The following GABRB3 variants were observed in gnomAD, a reference collection of about 807,000 sequenced individuals.
The protein encoded by GABRB3 is gamma-aminobutyric acid receptor subunit beta-3.
Under a neutral mutation model 52.1 loss-of-function variants are expected in GABRB3, and 14 were observed. The ratio of observed to expected loss-of-function variants is 0.27; its 90% confidence interval spans 0.18 to 0.42. The LOEUF (loss-of-function observed/expected upper bound fraction) is 0.42, where lower values mean the gene tolerates loss of function less well. Ranked by LOEUF, GABRB3 falls within the 10% of genes least tolerant of loss-of-function variation. GABRB3 has a pLI of 1.00. For synonymous variants in GABRB3, 260 were observed against 232.3 expected (o/e 1.12, Z -1.08); for missense variants, 307 against 609.1 (o/e 0.50, Z 5.22).
At chr15:26,704,097 C>G (rs1889021583) in intron 3 of GABRB3, among the ~76,000 whole-genome samples, 1 of 152,172 alleles carries the variant, frequency 6.6e-6, no homozygotes, top group Non-Finnish European at 1.5e-5. Flanking sequence ...GCTTTGACAT[C>G]TGGGAGGAGG....
chr15:26,713,486 C>T (rs1415149786), intron 3 of GABRB3, among the ~76,000 whole-genome samples: 1 of 152,008 alleles, frequency 6.6e-6, no homozygotes, highest in Non-Finnish European at 1.5e-5. Context: ...AAACACAATG[C>T]TGGGTTCAGG....
intron 3 of GABRB3, among the ~76,000 whole-genome samples, chr15:26,641,505 C>T (rs1289212771): frequency 6.6e-6 from 1 of 152,254 alleles, no homozygotes; most frequent in Non-Finnish European, 1.5e-5. Flanking sequence ...GTGCAGGAGC[C>T]AGCATTCCTA....
chr15:26,645,520 G>A (rs1893324879), intron 3 of GABRB3, among the ~76,000 whole-genome samples: 1 of 152,116 alleles, frequency 6.6e-6, no homozygotes, highest in Admixed American at 6.5e-5. Flanking sequence ...AATAGCTACT[G>A]AAGTCCTAAA....
At chr15:26,761,543 A>G (rs1196733698) in intron 3 of GABRB3, among the ~76,000 whole-genome samples, 4 of 152,138 alleles carry the variant, frequency 2.6e-5, no homozygotes, top group South Asian at 2.1e-4. Context: ...TATATACTAT[A>G]CTATATATTC....
At chr15:26,715,975 A>G (rs1889453275) in intron 3 of GABRB3, among the ~76,000 whole-genome samples, 7 of 152,196 alleles carry the variant, frequency 4.6e-5, no homozygotes, top group Admixed American at 2.6e-4. Context: ...CCATGGTAAG[A>G]ACACACACTG....
intron 3 of GABRB3, among the ~76,000 whole-genome samples, chr15:26,685,917 A>G (rs1232837530): frequency 2.7e-5 from 4 of 149,962 alleles, no homozygotes; most frequent in Non-Finnish European, 4.4e-5. Context: ...TGTTCCTCCC[A>G]CTTCAGCTTC....
At chr15:26,720,714 G>A (rs1013583828) in intron 3 of GABRB3, among the ~76,000 whole-genome samples, 2 of 152,134 alleles carry the variant, frequency 1.3e-5, no homozygotes, top group Non-Finnish European at 2.9e-5. Flanking sequence ...TCACACATAC[G>A]CAATCCCTCA....
chr15:26,604,798 G>A (rs1357191708), intron 4 of GABRB3, among the ~76,000 whole-genome samples: 1 of 151,924 alleles, frequency 6.6e-6, no homozygotes, highest in Non-Finnish European at 1.5e-5. Context: ...TACAAGACCT[G>A]ATACTATGAA....
intron 8 of GABRB3, among the ~76,000 whole-genome samples, chr15:26,551,380 G>A (rs562288196): frequency 1.4e-4 from 21 of 152,302 alleles, no homozygotes; most frequent in African/African-American, 5.1e-4. Context: ...GTCTGGAATG[G>A]AAATGCCTGA....
intron 4 of GABRB3, among the ~76,000 whole-genome samples, chr15:26,620,388 A>T (rs1897356): frequency 6.6e-6 from 1 of 152,072 alleles, no homozygotes; most frequent in Non-Finnish European, 1.5e-5. Context: ...GGATTTAAAT[A>T]TATACTGTTA....
chr15:26,756,997 G>C (rs1890680945), intron 3 of GABRB3, among the ~76,000 whole-genome samples: 1 of 152,112 alleles, frequency 6.6e-6, no homozygotes, highest in Non-Finnish European at 1.5e-5. Flanking sequence ...AAAACCCCCA[G>C]TGGTTTCACT....
At chr15:26,680,133 G>C (rs982284795) in intron 3 of GABRB3, among the ~76,000 whole-genome samples, 3 of 152,118 alleles carry the variant, frequency 2.0e-5, no homozygotes, top group Non-Finnish European at 2.9e-5. Flanking sequence ...CCAATCAGTC[G>C]AAGGTCCTGA....
At chr15:26,709,515 C>CTTTTTTTT (rs57044167) in intron 3 of GABRB3, among the ~76,000 whole-genome samples, 91 of 92,000 alleles carry the variant, frequency 9.9e-4, no homozygotes, top group South Asian at 1.4e-3. Flanking sequence ...TTTTTTCTTT[C>CTTTTTTTT]TTTTTTTTTT....
chr15:26,741,014 G>A (rs992511141), intron 3 of GABRB3, among the ~76,000 whole-genome samples: 5 of 151,084 alleles, frequency 3.3e-5, no homozygotes, highest in Non-Finnish European at 7.4e-5. Flanking sequence ...TTCCTCACCT[G>A]TAGAATGGCA....
chr15:26,587,179 T>A (rs1185804034), intron 4 of GABRB3, among the ~76,000 whole-genome samples: 2 of 152,136 alleles, frequency 1.3e-5, no homozygotes, highest in Non-Finnish European at 2.9e-5. Context: ...AACTCCCTCT[T>A]CACAGAACCC....
intron 3 of GABRB3, among the ~76,000 whole-genome samples, chr15:26,653,682 A>C (rs1282578638): frequency 6.6e-6 from 1 of 152,158 alleles, no homozygotes; most frequent in African/African-American, 2.4e-5. Flanking sequence ...AGCAGGCAAA[A>C]TGGACCCATT....
chr15:26,555,032 A>ATG (rs1233215606), intron 8 of GABRB3, among the ~76,000 whole-genome samples: 1 of 152,056 alleles, frequency 6.6e-6, no homozygotes, highest in Non-Finnish European at 1.5e-5. Flanking sequence ...ATATATATAT[A>ATG]AATTAGCTGG....
intron 3 of GABRB3, among the ~76,000 whole-genome samples, chr15:26,729,547 A>C (rs1193889351): frequency 6.6e-6 from 1 of 152,164 alleles, no homozygotes; most frequent in Non-Finnish European, 1.5e-5. Flanking sequence ...GAAGCCTTTA[A>C]GTTAATCTGG....
At chr15:26,740,163 G>A (rs1224909506) in intron 3 of GABRB3, among the ~76,000 whole-genome samples, 1 of 152,114 alleles carries the variant, frequency 6.6e-6, no homozygotes, top group Non-Finnish European at 1.5e-5. Flanking sequence ...TCCTCACAGT[G>A]TGCCAGGTGC....
Sources: gnomAD v4.1 joint callset for allele counts (sites outside exome capture counted in the v4.1 genomes callset) on GRCh38, gnomAD v4.1.1 for gene constraint, MANE v1.5 for transcripts, NCBI Gene and HGNC (gene_info 2026-07-23, HGNC 2026-07-21) for gene names.